The following MOK variants were observed in gnomAD, a reference collection of about 807,000 sequenced individuals.
The protein encoded by MOK is MAPK/MAK/MRK overlapping kinase.
A neutral mutation model predicts 54.2 loss-of-function variants in MOK; 59 were observed. That is an observed-to-expected ratio of 1.09 (90% confidence interval 0.88 to 1.35). MOK has a LOEUF of 1.35. Ranked by LOEUF, MOK falls within the 40% of genes most tolerant of loss-of-function variation. The pLI is 0.00. For missense variants in MOK, 517 were observed against 526.2 expected, an observed-to-expected ratio of 0.98 and a Z score of 0.17; for synonymous variants, 210 against 202.7, an observed-to-expected ratio of 1.04 and a Z score of -0.31.
At chr14:102,260,990 G>A (rs1199296552) in intron 4 of MOK, among the ~76,000 whole-genome samples, 1 of 151,962 alleles carries the variant, frequency 6.6e-6, no homozygotes, top group Admixed American at 6.6e-5. Context: ...GGGCGCGGTG[G>A]CTCATGCCTG....
chr14:102,282,048 T>G (rs1282046508), intron 2 of MOK, among the ~76,000 whole-genome samples: 2 of 152,138 alleles, frequency 1.3e-5, no homozygotes, highest in African/African-American at 4.8e-5. Flanking sequence ...ACCTCACATC[T>G]CTAAGCACCT....
At chr14:102,281,925 T>C (rs2069484135) in intron 2 of MOK, among the ~76,000 whole-genome samples, 1 of 152,228 alleles carries the variant, frequency 6.6e-6, no homozygotes, top group Admixed American at 6.5e-5. Context: ...GTCTTCCTAG[T>C]GGTAGGTAAA....
the MOK span, chr14:102,215,020 A>C: frequency 2.0e-6 from 2 of 979,410 alleles, no homozygotes; most frequent in Non-Finnish European, 2.4e-6. Context: ...GATAATTTTC[A>C]GTAGTCATTT....
intron 1 of MOK, among the ~76,000 whole-genome samples, chr14:102,297,779 G>A (rs1243845200): frequency 6.6e-6 from 1 of 152,204 alleles, no homozygotes; most frequent in East Asian, 1.9e-4. Flanking sequence ...CGCACTAGGT[G>A]CGGCCAGCTG....
intron 1 of MOK, among the ~76,000 whole-genome samples, chr14:102,293,110 G>A (rs910107771): frequency 3.3e-5 from 5 of 152,142 alleles, no homozygotes; most frequent in Admixed American, 1.3e-4. Context: ...TCCAGCCTGG[G>A]TGACAGAGCT....
At chr14:102,291,634 C>G (rs2070765121) in intron 1 of MOK, among the ~76,000 whole-genome samples, 1 of 152,200 alleles carries the variant, frequency 6.6e-6, no homozygotes, top group East Asian at 1.9e-4. Flanking sequence ...AGAGCTCACA[C>G]AGCAGGCCTG....
chr14:102,256,466 C>T (rs1044332269), intron 4 of MOK, among the ~76,000 whole-genome samples: 1 of 151,236 alleles, frequency 6.6e-6, no homozygotes, highest in Non-Finnish European at 1.5e-5. Flanking sequence ...CCCAGCTACT[C>T]GGGAGGCTGA....
At chr14:102,291,762 G>C (rs1194857525) in intron 1 of MOK, among the ~76,000 whole-genome samples, 5 of 151,968 alleles carry the variant, frequency 3.3e-5, no homozygotes, top group Admixed American at 1.3e-4. Context: ...TTTGAGACCA[G>C]CCTGGCCAAC....
intron 4 of MOK, among the ~76,000 whole-genome samples, chr14:102,260,417 T>C (rs912028696): frequency 3.3e-5 from 5 of 152,138 alleles, no homozygotes; most frequent in African/African-American, 1.2e-4. Flanking sequence ...TCCTATAAAG[T>C]ATTAAGAACA....
chr14:102,237,207 CT>C (rs1300297835), intron 7 of MOK, among the ~76,000 whole-genome samples: 2 of 152,182 alleles, frequency 1.3e-5, no homozygotes, highest in Admixed American at 6.5e-5. Flanking sequence ...TTCCTTAAAC[CT>C]TTTCCCTAGC....
chr14:102,226,189 GC>G, downstream of MOK: 1 of 610,184 alleles, frequency 1.6e-6, no homozygotes, highest in Non-Finnish European at 2.9e-6. The surrounding 1 kb of genome is among the most constrained non-coding windows in gnomAD (Gnocchi z 4.8). Context: ...TGCAAGGCCT[GC>G]CCCCGCCAGT....
chr14:102,216,958 A>T, the MOK span, among the ~76,000 whole-genome samples: 1 of 152,086 alleles, frequency 6.6e-6, no homozygotes, highest in African/African-American at 2.4e-5. Context: ...CCATTTCTCC[A>T]TGTGTGGCTG....
At position 102,233,736 on chromosome 14, in the gene MOK, T is replaced by G. The variant is rs2064959069; in HGVS notation, c.644A>C (p.His215Pro). 6.2e-7 allele frequency: 1 copy of G among 1,614,038 alleles called. No homozygotes were observed. The highest frequency in any genetic ancestry group is 2.2e-5 in the East Asian group (1 of 44,870). Residue 215 changes from histidine (H) to proline (P), a missense_variant, in exon 8 of 12, where the codon CAC becomes CCC. His to Pro is a moderately conservative substitution (Grantham distance 77). Coordinates refer to ENST00000361847, the MANE Select transcript of MOK (RefSeq NM_014226.3). ...CTGAGCGGGTGTGCCGATGACATCGTGGATTTTTGAGATTTGGTCCAGTTC... is the reference window on the plus strand; with the variant it reads ...CTGAGCGGGTGTGCCGATGACATCGGGGATTTTTGAGATTTGGTCCAGTTC... ...VNELDQISKIHDVIGTPAQKI... is the reference protein window; with the variant it reads ...VNELDQISKIPDVIGTPAQKI...
chr14:102,293,701 C>CCAAAAA (rs1432616309), intron 1 of MOK, among the ~76,000 whole-genome samples: 5 of 54,604 alleles, frequency 9.2e-5, no homozygotes, highest in Non-Finnish European at 1.1e-4. Flanking sequence ...AACTCCATCA[C>CCAAAAA]AAAAAAAAAA....
At position 102,240,203 on chromosome 14, in the gene MOK, C is replaced by T. The variant is rs988103275; in HGVS notation, c.591-6414G>A. Among the ~76,000 whole-genome samples, 19 of 152,214 alleles carry T rather than the reference C, an allele frequency of 1.2e-4. 1 individual carries two copies. Among genetic ancestry groups the T allele is most frequent in the Admixed American group, 9.8e-4 (15 of 15,286 alleles). ...ACCCAAATCCTATAAAACGACCCACCCCTATCTCCCTTTGCTGACTCTGTT... is the reference window on the plus strand; with the variant it reads ...ACCCAAATCCTATAAAACGACCCACTCCTATCTCCCTTTGCTGACTCTGTT... On this transcript the variant is annotated intron_variant, in intron 7 of 11. Coordinates refer to ENST00000361847, the MANE Select transcript of MOK (RefSeq NM_014226.3). This position sits in a 1 kb window ranked among gnomAD's most constrained non-coding sequence, Gnocchi z 5.4.
chr14:102,216,335 C>T, the MOK span, among the ~76,000 whole-genome samples: 10 of 152,320 alleles, frequency 6.6e-5, no homozygotes, highest in African/African-American at 2.2e-4. Flanking sequence ...TTTTTTGAGA[C>T]AGGGTCTCGC....
At chr14:102,278,703 T>C in intron 2 of MOK, 1 of 456,008 alleles carries the variant, frequency 2.2e-6, no homozygotes, top group South Asian at 1.5e-5. Context: ...GTCTGAAAGA[T>C]GTAACAATGG....
intron 2 of MOK, among the ~76,000 whole-genome samples, chr14:102,278,066 T>C (rs2069051788): frequency 6.6e-6 from 1 of 152,114 alleles, no homozygotes; most frequent in Non-Finnish European, 1.5e-5. Context: ...CTCTCTCTGC[T>C]ATCTGTCATT....
chr14:102,305,106 A>C lies in MOK; in HGVS notation c.-138T>G. ...TCTCCGTGGTGGTCCCTCGAAGGAGAGCGTTAGAGATCCCGCCGCCATGTT... is the reference window on the plus strand; with the variant it reads ...TCTCCGTGGTGGTCCCTCGAAGGAGCGCGTTAGAGATCCCGCCGCCATGTT... On this transcript the variant is annotated 5_prime_UTR_variant, in exon 1 of 12. Coordinates refer to ENST00000361847, the MANE Select transcript of MOK (RefSeq NM_014226.3). The C allele has an allele frequency of 9.8e-7, 1 of 1,018,256 alleles. No homozygotes were observed. The highest frequency in any genetic ancestry group is 1.5e-6 in the Non-Finnish European group (1 of 667,204). 63.1% of individuals were successfully genotyped at this position (1,018,256 alleles called of 1,614,324 possible).
Sources: allele counts gnomAD v4.1 joint callset (sites outside exome capture counted in the v4.1 genomes callset), GRCh38; gene constraint gnomAD v4.1.1; non-coding constraint Gnocchi (gnomAD v3.1); transcripts MANE v1.5; gene names NCBI Gene and HGNC (gene_info 2026-07-23, HGNC 2026-07-21).